ADGB: variants seen among roughly 807,000 people sequenced by gnomAD.
ADGB encodes androglobin, also known as calpain-7-like protein.
ADGB carries 172 observed loss-of-function variants against 210.5 expected under a neutral mutation model. The ratio of observed to expected loss-of-function variants is 0.82; its 90% CI spans 0.72 to 0.93. The LOEUF is 0.93. Ranked by LOEUF, ADGB falls within the 40% of genes least tolerant of loss-of-function variation. ADGB has a pLI of 0.00. For synonymous variants in ADGB, 658 were observed against 662.7 expected, an observed-to-expected ratio of 0.99 and a Z score of 0.11; for missense variants, 2,025 against 1,964.8, an observed-to-expected ratio of 1.03 and a Z score of -0.58.
intron 35 of ADGB, among the ~76,000 whole-genome samples, chr6:146,811,667 T>C (rs763650485): frequency 1.3e-5 from 2 of 152,106 alleles, no homozygotes; most frequent in African/African-American, 4.8e-5. Context: ...TCTTGCTGTG[T>C]TTTTTTGTTT....
At chr6:146,641,116 C>A (rs1775507217) in intron 2 of ADGB, among the ~76,000 whole-genome samples, 1 of 151,844 alleles carries the variant, frequency 6.6e-6, no homozygotes, top group Non-Finnish European at 1.5e-5. Context: ...TATACGCCAA[C>A]AATAGCCAAA....
intron 1 of ADGB, among the ~76,000 whole-genome samples, chr6:146,604,366 A>G (rs1780603377): frequency 6.6e-6 from 1 of 152,120 alleles, no homozygotes; most frequent in African/African-American, 2.4e-5. Flanking sequence ...TAAATTATGT[A>G]ATGCAAAATT....
intron 1 of ADGB, among the ~76,000 whole-genome samples, chr6:146,601,573 T>C (rs1780557487): frequency 3.3e-5 from 5 of 152,254 alleles, no homozygotes; most frequent in Admixed American, 3.3e-4. Flanking sequence ...ATGATTGTTA[T>C]TTAAAATACA....
At chr6:146,677,687 C>A (rs1246491577) in intron 9 of ADGB, among the ~76,000 whole-genome samples, 1 of 152,160 alleles carries the variant, frequency 6.6e-6, no homozygotes, top group Non-Finnish European at 1.5e-5. Flanking sequence ...CCTTCTCCTG[C>A]TGAACTTACA....
At chr6:146,695,379 C>T (rs1168486765) in intron 12 of ADGB, among the ~76,000 whole-genome samples, 1 of 151,802 alleles carries the variant, frequency 6.6e-6, no homozygotes, top group Non-Finnish European at 1.5e-5. Flanking sequence ...AAGACATTAA[C>T]AGTTAGCATA....
At chr6:146,802,064 T>C in intron 35 of ADGB, 53 bp downstream of exon 35, 1 of 1,202,862 alleles carries the variant, frequency 8.3e-7, no homozygotes, top group Non-Finnish European at 1.1e-6. Context: ...TTTCGTAACA[T>C]TAAAAAGAAA....
At chr6:146,671,416 G>T (rs912176927) in intron 7 of ADGB, among the ~76,000 whole-genome samples, 10 of 152,136 alleles carry the variant, frequency 6.6e-5, no homozygotes, top group Non-Finnish European at 1.5e-4. Context: ...ATTTGAAGGG[G>T]ATTTTAAAGA....
At chr6:146,717,365 T>C (rs1776751480) in intron 15 of ADGB, among the ~76,000 whole-genome samples, 171 bp from the exon 16 acceptor site, 1 of 152,200 alleles carries the variant, frequency 6.6e-6, no homozygotes, top group Non-Finnish European at 1.5e-5. Flanking sequence ...TTAATTAAAA[T>C]GAAGAAATCT....
At chr6:146,691,440 A>AT (rs1211339560) in intron 11 of ADGB, 150 bp downstream of exon 11, 29,999 of 59,750 alleles carry the variant, frequency 0.5, 8,773 homozygotes, top group South Asian at 0.59. Flanking sequence ...ATATATATAT[A>AT]TAAAAATATA....
intron 3 of ADGB, among the ~76,000 whole-genome samples, chr6:146,653,817 A>G (rs2114882136): frequency 6.6e-6 from 1 of 152,308 alleles, no homozygotes; most frequent in East Asian, 1.9e-4. Context: ...TCTTATTGGC[A>G]TTAAATTACA....
intron 26 of ADGB, among the ~76,000 whole-genome samples, chr6:146,750,545 C>CAT (rs1475965090): frequency 1.3e-5 from 2 of 151,962 alleles, no homozygotes; most frequent in African/African-American, 2.4e-5. Context: ...TGAACTTTTC[C>CAT]ATATATATAG....
chr6:146,681,697 A>T (rs1241493281), intron 9 of ADGB, among the ~76,000 whole-genome samples: 2 of 152,166 alleles, frequency 1.3e-5, no homozygotes, highest in Non-Finnish European at 2.9e-5. Flanking sequence ...ATATTATTTT[A>T]AAACTTGTAT....
At chr6:146,775,385 G>A (rs1777707798) in intron 29 of ADGB, among the ~76,000 whole-genome samples, 1 of 152,034 alleles carries the variant, frequency 6.6e-6, no homozygotes, top group Non-Finnish European at 1.5e-5. Context: ...TGGTTAACAT[G>A]AGGCAACAGT....
intron 13 of ADGB, among the ~76,000 whole-genome samples, chr6:146,714,822 C>T (rs953884450): frequency 1.3e-5 from 2 of 152,170 alleles, no homozygotes; most frequent in African/African-American, 4.8e-5. Context: ...ATATTGTTGA[C>T]ATTACCTGTA....
At chr6:146,713,500 G>T (rs1050999172) in intron 13 of ADGB, among the ~76,000 whole-genome samples, 10 of 152,182 alleles carry the variant, frequency 6.6e-5, no homozygotes, top group African/African-American at 2.4e-4. Flanking sequence ...TCATGATATT[G>T]AGAATCTTGT....
chr6:146,676,169 T>C, intron 8 of ADGB, 144 bp from the exon 9 acceptor site: 1 of 670,580 alleles, frequency 1.5e-6, no homozygotes, highest in Non-Finnish European at 2.3e-6. Context: ...TTAGAGGGGA[T>C]CATGTTTTGG....
At chr6:146,772,801 A>G (rs1352535301) in intron 29 of ADGB, among the ~76,000 whole-genome samples, 4 of 151,972 alleles carry the variant, frequency 2.6e-5, no homozygotes, top group Non-Finnish European at 4.4e-5. Flanking sequence ...AGAAAAAAAA[A>G]TGACACCTTG....
chr6:146,720,146 C>T (rs1776793030), intron 16 of ADGB, among the ~76,000 whole-genome samples: 1 of 151,832 alleles, frequency 6.6e-6, no homozygotes, highest in Non-Finnish European at 1.5e-5. Context: ...TTACTGTGTG[C>T]CATCCCTCAC....
intron 9 of ADGB, among the ~76,000 whole-genome samples, chr6:146,682,838 CT>C (rs1340360363): frequency 1.3e-5 from 2 of 152,016 alleles, no homozygotes; most frequent in African/African-American, 2.4e-5. Flanking sequence ...GGCTAATAAA[CT>C]TTTTTGAAAA....
Sources: gnomAD v4.1 joint callset for allele counts (sites outside exome capture counted in the v4.1 genomes callset) on GRCh38, gnomAD v4.1.1 for gene constraint, MANE v1.5 for transcripts, NCBI Gene and HGNC (gene_info 2026-07-23, HGNC 2026-07-21) for gene names.